Variants in CD109 observed in about 807,000 individuals in gnomAD.
The protein encoded by CD109 is CD109 antigen.
Under a neutral mutation model 165.8 loss-of-function variants are expected in CD109, and 149 were observed. That is an observed-to-expected ratio of 0.90 (90% CI 0.79 to 1.03). CD109 has a LOEUF of 1.03. CD109 is among the 50% of genes least tolerant of loss of function. The probability of loss-of-function intolerance (pLI) is 0.00; values close to 1 mark genes in which losing one functional copy is unlikely to be tolerated. For missense variants in CD109, 1,712 were observed against 1,677.8 expected, an observed-to-expected ratio of 1.02 and a Z score of -0.36; for synonymous variants, 585 against 592.1, an observed-to-expected ratio of 0.99 and a Z score of 0.18.
At chr6:73,731,045 TTC>T (rs1165004823) in intron 4 of CD109, among the ~76,000 whole-genome samples, 1 of 151,996 alleles carries the variant, frequency 6.6e-6, no homozygotes, top group African/African-American at 2.4e-5. Context: ...GCTATTTTCT[TTC>T]TTTCTTTTTT....
In CD109 at chr6:73,827,288, A is replaced by G. The variant is rs548438246; in HGVS notation, c.*3655A>G. The G allele has an allele frequency of 6.6e-6, 1 of 152,186 alleles. No individual in the cohort carries two copies. The highest frequency in any genetic ancestry group is 2.4e-5 in the African/African-American group (1 of 41,516). The allele number at this position is 152,186 out of a possible 1,614,324, so 9.4% of individuals were successfully genotyped here. On this transcript the variant is annotated 3_prime_UTR_variant, in exon 33 of 33. Transcript: ENST00000287097. ...GGTGCATTGGTTTTTTGCGCATTGT[A>G]AATTTAAGACACTTATAGTAAGTGG...
At chr6:73,797,999 T>A (rs1372892026) in intron 23 of CD109, among the ~76,000 whole-genome samples, 1 of 152,190 alleles carries the variant, frequency 6.6e-6, no homozygotes, top group African/African-American at 2.4e-5. Flanking sequence ...GAGAGCTATG[T>A]TTTTGCTTTT....
chr6:73,729,607 T>C (rs957402866), intron 3 of CD109, among the ~76,000 whole-genome samples: 1 of 151,574 alleles, frequency 6.6e-6, no homozygotes, highest in South Asian at 2.1e-4. Context: ...GCAACCTCCA[T>C]GTTCAAGCGA....
At chr6:73,776,787 T>G (rs1774264286) in intron 15 of CD109, among the ~76,000 whole-genome samples, 1 of 151,716 alleles carries the variant, frequency 6.6e-6, no homozygotes, top group Non-Finnish European at 1.5e-5. Context: ...AAACTCCTGA[T>G]CTCAAGTGAT....
chr6:73,804,688 C>T (rs1013690933), intron 24 of CD109, among the ~76,000 whole-genome samples: 6 of 152,206 alleles, frequency 3.9e-5, no homozygotes, highest in Non-Finnish European at 8.8e-5. Flanking sequence ...ATCATTTTCC[C>T]CACCTGAAGT....
intron 23 of CD109, among the ~76,000 whole-genome samples, chr6:73,796,402 C>T (rs58789425): frequency 0.15 from 22,266 of 152,120 alleles, 1,664 homozygotes; most frequent in Non-Finnish European, 0.16. Flanking sequence ...ATGCTTTCTC[C>T]CTAGGTCTTT....
the CD109 span, among the ~76,000 whole-genome samples, chr6:73,679,736 A>G: frequency 6.6e-6 from 1 of 151,880 alleles, no homozygotes; most frequent in Non-Finnish European, 1.5e-5. Context: ...CCTGGGTTCA[A>G]GTGATTCTTG....
chr6:73,764,988 G>A (rs1773780305), intron 10 of CD109, among the ~76,000 whole-genome samples: 1 of 152,178 alleles, frequency 6.6e-6, no homozygotes, highest in Non-Finnish European at 1.5e-5. Context: ...TGAATGAGTA[G>A]AGTGAAACCA....
chr6:73,756,402 A>G (rs9350505), intron 5 of CD109, among the ~76,000 whole-genome samples: 1 of 152,286 alleles, frequency 6.6e-6, no homozygotes, highest in South Asian at 2.1e-4. Context: ...AATTATAGAG[A>G]TAGGTCACCA....
chr6:73,820,560 C>A lies in CD109; in HGVS notation c.4159C>A (p.Pro1387Thr). 1 of 1,562,680 alleles carries A rather than the reference C, an allele frequency of 6.4e-7. No individual in the cohort carries two copies. Among genetic ancestry groups the A allele is most frequent in the Non-Finnish European group, 8.8e-7 (1 of 1,138,408 alleles). Residue 1387 changes from proline to threonine, a missense_variant, in exon 32 of 33, where the codon CCA becomes ACA. Pro to Thr is a conservative substitution (Grantham distance 38, BLOSUM62 -1). Coordinates refer to ENST00000287097, the MANE Select transcript of CD109 (RefSeq NM_133493.5). ...ASVSIVDYYE[P>T]RRQAVRSYNS... ...AGTGTCCATAGTGGATTACTATGAG[C>A]CAAGTAAGTATGCTCTGGAGTTCTT... is the stretch of plus-strand genomic sequence containing the variant.
In CD109 at chr6:73,788,517, C is replaced by T. The variant is rs769609971; in HGVS notation, c.2606C>T (p.Thr869Ile). The change falls in exon 22 of 33, where the codon ACT becomes ATT. Residue 869 changes from threonine to isoleucine, a missense_variant. Coordinates refer to ENST00000287097, the MANE Select transcript of CD109 (RefSeq NM_133493.5). ...SYSQSILLDL[T>I]DNRLQSTLKT... ...TCACAATCCATCTTATTAGACTTGA[C>T]TGACAATAGGCTACAGAGTACCCTG... 1 of 1,611,850 alleles carries T rather than the reference C, an allele frequency of 6.2e-7. No homozygotes were observed. The highest frequency in any genetic ancestry group is 1.1e-5 in the South Asian group (1 of 90,494).
chr6:73,736,568 G>A, intron 5 of CD109, 60 bp downstream of exon 5: 19 of 1,424,696 alleles, frequency 1.3e-5, no homozygotes, highest in South Asian at 2.8e-5. Context: ...GTCAGGTGGG[G>A]GAAAATCTCC....
At chr6:73,709,742 C>A (rs1200227402) in intron 2 of CD109, among the ~76,000 whole-genome samples, 1 of 152,154 alleles carries the variant, frequency 6.6e-6, no homozygotes, top group African/African-American at 2.4e-5. Context: ...GCTTATCCAC[C>A]ATGATCAAGT....
the CD109 span, among the ~76,000 whole-genome samples, chr6:73,679,678 T>A: frequency 6.6e-6 from 1 of 151,960 alleles, no homozygotes; most frequent in Non-Finnish European, 1.5e-5. Flanking sequence ...CTTTGTTGTC[T>A]AGGCTGGAGT....
At chr6:73,687,794 G>T in the CD109 span, among the ~76,000 whole-genome samples, 1 of 152,172 alleles carries the variant, frequency 6.6e-6, no homozygotes, top group African/African-American at 2.4e-5. Flanking sequence ...AGTGGGGCTT[G>T]TTCTCTTGTG....
At chr6:73,718,892 A>G (rs1309523021) in intron 2 of CD109, among the ~76,000 whole-genome samples, 1 of 152,166 alleles carries the variant, frequency 6.6e-6, no homozygotes, top group African/African-American at 2.4e-5. Flanking sequence ...CATTGTTGCT[A>G]AACACAAATT....
At chr6:73,820,222 T>C (rs1251295044) in intron 31 of CD109, among the ~76,000 whole-genome samples, 2 of 152,144 alleles carry the variant, frequency 1.3e-5, no homozygotes, top group Non-Finnish European at 2.9e-5. Flanking sequence ...ACTTAACCAC[T>C]CTAATTCTCA....
the CD109 span, among the ~76,000 whole-genome samples, chr6:73,690,553 C>T: frequency 6.6e-6 from 1 of 152,096 alleles, no homozygotes; most frequent in Non-Finnish European, 1.5e-5. Flanking sequence ...AGGCATGTGC[C>T]ACCACGCCTT....
At chr6:73,767,146 C>T in intron 13 of CD109, 136 bp downstream of exon 13, 1 of 708,212 alleles carries the variant, frequency 1.4e-6, no homozygotes, top group Non-Finnish European at 2.4e-6. Flanking sequence ...CAGATTATTT[C>T]ATCACCCAGG....
Sources: allele counts gnomAD v4.1 joint callset (sites outside exome capture counted in the v4.1 genomes callset), GRCh38; gene constraint gnomAD v4.1.1; transcripts MANE v1.5; gene names NCBI Gene and HGNC (gene_info 2026-07-23, HGNC 2026-07-21).